The following TSGA10IP variants were observed in gnomAD, a reference collection of about 807,000 sequenced individuals.
TSGA10IP encodes the protein testis-specific protein 10-interacting protein.
In TSGA10IP, 64 loss-of-function variants were observed where a neutral mutation model predicts 63.2. The observed-to-expected ratio is 1.01, with a 90% CI of 0.83 to 1.25. TSGA10IP has a LOEUF of 1.25. Ranked by LOEUF, TSGA10IP falls within the 50% of genes most tolerant of loss-of-function variation. TSGA10IP has a pLI of 0.00. For missense variants in TSGA10IP, 681 were observed against 710.1 expected (o/e 0.96, Z 0.47); for synonymous variants, 316 against 298.3 (o/e 1.06, Z -0.61).
At chr11:65,959,734 G>T (rs1173726318) in intron 7 of TSGA10IP, 83 bp from the exon 8 acceptor site, 3 of 1,477,198 alleles carry the variant, frequency 2.0e-6, no homozygotes, top group Non-Finnish European at 2.7e-6. Context: ...ACTGAAGCAG[G>T]GTTTGAAGCC....
At chr11:65,959,207 C>T (rs772885840) in exon 7 of TSGA10IP, 65 of 1,605,468 alleles carry the variant, frequency 4.0e-5, no homozygotes, top group Non-Finnish European at 5.0e-5. Context: ...CCCGGCTCAC[C>T]GTCACTCGGC....
intron 4 of TSGA10IP, among the ~76,000 whole-genome samples, chr11:65,952,699 C>T (rs1854961503): frequency 6.6e-6 from 1 of 151,528 alleles, no homozygotes; most frequent in South Asian, 2.1e-4. Context: ...ACAATATATA[C>T]ACAATATATA....
chr11:65,953,439 C>G, intron 4 of TSGA10IP, 128 bp from the exon 5 acceptor site: 2 of 1,297,670 alleles, frequency 1.5e-6, no homozygotes, highest in Non-Finnish European at 2.0e-6. Context: ...ACCCTACTCC[C>G]AGGACACTGG....
At chr11:65,952,354 C>A (rs1025957863) in intron 4 of TSGA10IP, among the ~76,000 whole-genome samples, 1 of 151,980 alleles carries the variant, frequency 6.6e-6, no homozygotes, top group Non-Finnish European at 1.5e-5. Flanking sequence ...GCTTTTGTTG[C>A]CTGTGCTTTC....
chr11:65,957,220 G>A (rs1336656538), intron 5 of TSGA10IP, among the ~76,000 whole-genome samples: 2 of 151,830 alleles, frequency 1.3e-5, no homozygotes, highest in Non-Finnish European at 2.9e-5. Context: ...GTGCAATCTC[G>A]CCTCACCATA....
At position 65,957,390 on chromosome 11, in the gene TSGA10IP, C is replaced by T. The variant is rs942541066; in HGVS notation, c.1323-1493C>T. On this transcript the variant is annotated intron_variant, in intron 5 of 7. Coordinates refer to ENST00000532620, the Ensembl canonical transcript of TSGA10IP. ...GGTCTCGATCTCCTGACCTCGAGAT[C>T]TGCCCGCCTCGGCCAGCTCCTGTCA... Among the ~76,000 whole-genome samples, 20 of 152,316 alleles carry T rather than the reference C, an allele frequency of 1.3e-4. No homozygotes were observed. The East Asian group carries it at 3.9e-3, about 29-fold the overall frequency.
intron 4 of TSGA10IP, among the ~76,000 whole-genome samples, chr11:65,948,959 AGT>A (rs10582959): frequency 0.022 from 3,372 of 152,104 alleles, 141 homozygotes; most frequent in African/African-American, 0.076. Context: ...TGGGTGACAG[AGT>A]GAGACTCTGT....
chr11:65,947,686 A>G, exon 3 of TSGA10IP: 1 of 1,604,642 alleles, frequency 6.2e-7, no homozygotes, highest in East Asian at 2.2e-5. Flanking sequence ...ATGAGGGAGA[A>G]GTGCAGGGCC....
chr11:65,949,995 G>A (rs529614016), intron 4 of TSGA10IP, among the ~76,000 whole-genome samples: 26 of 151,032 alleles, frequency 1.7e-4, no homozygotes, highest in African/African-American at 5.6e-4. Flanking sequence ...TGGGATTACC[G>A]GTGCCTGCCA....
Position 65,953,695 on chromosome 11 carries a change from GC to G in TSGA10IP, c.1282del (p.Arg428GlyfsTer13), listed in dbSNP as rs1241819270. On this transcript the variant is annotated frameshift_variant, in exon 5 of 8. Coordinates refer to ENST00000532620, the Ensembl canonical transcript of TSGA10IP. LOFTEE classifies it high-confidence loss of function. ...CTGGCAGCCTACGCACCCAGAGGGA[GC>G]CGGGGCCCTGGGGCGGCCCAGCGCA... 2 of 1,581,264 alleles carry G rather than the reference GC, an allele frequency of 1.3e-6. No individual in the cohort carries two copies. Among genetic ancestry groups the G allele is most frequent in the Non-Finnish European group, 1.7e-6 (2 of 1,169,126 alleles).
chr11:65,949,220 G>A (rs976608769), intron 4 of TSGA10IP, among the ~76,000 whole-genome samples: 5 of 152,088 alleles, frequency 3.3e-5, no homozygotes, highest in Non-Finnish European at 7.4e-5. Flanking sequence ...AAAGGAGACA[G>A]TGGGAGCTGA....
At chr11:65,951,604 C>T (rs184050135) in intron 4 of TSGA10IP, among the ~76,000 whole-genome samples, 1 of 151,390 alleles carries the variant, frequency 6.6e-6, no homozygotes, top group East Asian at 1.9e-4. Context: ...GTGCCACGAT[C>T]ATAGCTCACT....
At chr11:65,947,586 A>G in exon 3 of TSGA10IP, 2 of 1,613,846 alleles carry the variant, frequency 1.2e-6, no homozygotes, top group Non-Finnish European at 1.7e-6. Context: ...GAGGCCACAG[A>G]GGAGGCTGAG....
rs1034166658 is a variant in TSGA10IP at position 65,945,910 on chromosome 11, C to A, written c.147+88C>A. The A allele has an allele frequency of 1.1e-5, 16 of 1,489,872 alleles. No homozygotes were observed. The East Asian group carries it at 3.4e-4, about 32-fold the overall frequency. The allele number at this position is 1,489,872 out of a possible 1,614,324, so 92.3% of individuals were successfully genotyped here. A position where few individuals can be genotyped will look rare whatever the true frequency, so the allele number is the denominator to read the frequency against. On this transcript the variant is annotated intron_variant, in intron 1 of 7. Coordinates refer to ENST00000532620, the Ensembl canonical transcript of TSGA10IP. ...GGCTGGGGAGGCCCTTGAGAAGCCA[C>A]AAGACCTGAGCTGAGGTCCAGATGA...
chr11:65,952,180 T>C (rs1854954744), intron 4 of TSGA10IP, among the ~76,000 whole-genome samples: 1 of 152,126 alleles, frequency 6.6e-6, no homozygotes, highest in South Asian at 2.1e-4. Context: ...GTTATTTGCT[T>C]TCTTGTTACT....
At position 65,948,084 on chromosome 11, in the gene TSGA10IP, G is replaced by A. The variant is rs371636673; in HGVS notation, c.1087G>A (p.Asp363Asn). 4.1e-5 allele frequency: 66 copies of A among 1,594,266 alleles called. No individual in the cohort carries two copies. The African/African-American group carries it at 7.6e-4, about 18-fold the overall frequency. The change falls in exon 4 of 8, where the codon GAT becomes AAT. Residue 363 changes from aspartate to asparagine, a missense_variant. Physicochemically the swap from Asp to Asn is conservative, Grantham distance 23. Transcript: ENST00000532620. ...TGGAAAGGCCTATGCCTCGGGATAC[G>A]ATGAAACTTTCGTGTCTGCCAACCT... is the stretch of plus-strand genomic sequence containing the variant.
At chr11:65,949,420 A>T (rs1339987272) in intron 4 of TSGA10IP, among the ~76,000 whole-genome samples, 1 of 144,872 alleles carries the variant, frequency 6.9e-6, no homozygotes, top group Non-Finnish European at 1.5e-5. Context: ...GCACCCCACA[A>T]TTTTTTTTTT....
At chr11:65,957,606 A>G (rs1170690682) in intron 5 of TSGA10IP, among the ~76,000 whole-genome samples, 1 of 152,162 alleles carries the variant, frequency 6.6e-6, no homozygotes, top group South Asian at 2.1e-4. Flanking sequence ...CTTTTTCTCA[A>G]TGAAGGATGG....
At chr11:65,948,169 G>T (rs1854879344) in intron 4 of TSGA10IP, 21 bp downstream of exon 4, 3 of 1,594,378 alleles carry the variant, frequency 1.9e-6, no homozygotes, top group Non-Finnish European at 1.7e-6. Flanking sequence ...AGAGAAGGGA[G>T]TGGGAGCCCA....
Sources: allele counts gnomAD v4.1 joint callset (sites outside exome capture counted in the v4.1 genomes callset), GRCh38; gene constraint gnomAD v4.1.1; transcripts MANE v1.5; gene names NCBI Gene and HGNC (gene_info 2026-07-23, HGNC 2026-07-21).